QRICH2: variants seen among roughly 807,000 people sequenced by gnomAD.
The protein encoded by QRICH2 is glutamine rich 2, also known as glutamine-rich protein 2.
In QRICH2, 119 loss-of-function variants were observed where a neutral mutation model predicts 168.3. The ratio of observed to expected loss-of-function variants is 0.71; its 90% CI spans 0.61 to 0.82. The LOEUF is 0.82. QRICH2 is among the 40% of genes least tolerant of loss of function. The pLI, the probability that QRICH2 is intolerant of heterozygous loss-of-function variation, is 0.00. For synonymous variants in QRICH2, 894 were observed against 951.2 expected (o/e 0.94, Z 1.11); for missense variants, 2,241 against 2,491.6 (o/e 0.90, Z 2.14).
At chr17:76,299,471 T>G (rs544298323) in intron 3 of QRICH2, among the ~76,000 whole-genome samples, 1 of 152,124 alleles carries the variant, frequency 6.6e-6, no homozygotes, top group South Asian at 2.1e-4. Flanking sequence ...GCGCGGTGGC[T>G]CCAGCCTGTA....
Position 76,278,002 on chromosome 17 carries a change from G to T in QRICH2, c.5104C>A (p.Pro1702Thr). Residue 1702 changes from proline (P) to threonine (T), a missense_variant, in exon 15 of 19, where the codon CCC (proline) becomes ACC (threonine). By Grantham distance (38) the Pro-to-Thr change is conservative. Coordinates refer to ENST00000680821, the MANE Select transcript of QRICH2 (RefSeq NM_001388453.1). ...ELLHAQCLGS[P>T]CYKRVTDMAD... is the part of the protein sequence containing the mutation. ...CCTCTCCTGTACCGTTTGTAGCAGGGGGAGCCCAGGCACTGGGCGTGCAGC... is the reference window on the plus strand; with the variant it reads ...CCTCTCCTGTACCGTTTGTAGCAGGTGGAGCCCAGGCACTGGGCGTGCAGC... 1 of 1,612,164 alleles carries T rather than the reference G, an allele frequency of 6.2e-7. No homozygotes were observed. The highest frequency in any genetic ancestry group is 8.5e-7 in the Non-Finnish European group (1 of 1,180,028).
chr17:76,306,931 G>A (rs1000058997), intron 1 of QRICH2, among the ~76,000 whole-genome samples: 2 of 151,710 alleles, frequency 1.3e-5, no homozygotes, highest in Non-Finnish European at 2.9e-5. Context: ...GCCTGCTGTG[G>A]CTTGTGTCAT....
chr17:76,274,461 T>C (rs1339089541), intron 18 of QRICH2, among the ~76,000 whole-genome samples: 5 of 152,164 alleles, frequency 3.3e-5, no homozygotes, highest in Admixed American at 3.3e-4. Context: ...GCACCCTTCA[T>C]GATCTTGTGA....
rs147284874 is a variant in QRICH2, at chr17:76,292,515, G to A, written c.2212C>T (p.Arg738Cys). The A allele has an allele frequency of 6.8e-4, 1,071 of 1,570,030 alleles. 9 individuals are homozygous for A. The African/African-American group carries it at 0.013, about 20-fold the overall frequency. ...TCTGCACGAGGTTGTGCCAAACCAC[G>A]CTGATCTACTCCAGGTTGGACCAAA... ...HGLVQPGVDQRGLAQPRADHQ... is the reference protein window; with the variant it reads ...HGLVQPGVDQCGLAQPRADHQ... The change falls in exon 4 of 19, where the codon CGT becomes TGT. Residue 738 changes from arginine to cysteine, a missense_variant. Around this residue, in one of 3 missense-constraint regions of QRICH2, gnomAD observed 2,047 missense variants for 2,303.8 expected, o/e 0.89. Coordinates refer to ENST00000680821, the MANE Select transcript of QRICH2 (RefSeq NM_001388453.1).
chr17:76,284,919 TATA>T (rs1466589485), intron 7 of QRICH2, among the ~76,000 whole-genome samples: 5 of 150,776 alleles, frequency 3.3e-5, no homozygotes, highest in Non-Finnish European at 7.4e-5. Context: ...ACATCAAAAC[TATA>T]ATGAGATCCC....
intron 3 of QRICH2, among the ~76,000 whole-genome samples, chr17:76,295,022 G>C (rs1006176172): frequency 6.6e-6 from 1 of 151,186 alleles, no homozygotes; most frequent in Non-Finnish European, 1.5e-5. Flanking sequence ...ACAAGGTCAA[G>C]AGATTGAGAC....
intron 13 of QRICH2, 75 bp from the exon 14 acceptor site, chr17:76,279,217 A>G: frequency 1.4e-6 from 2 of 1,389,338 alleles, no homozygotes; most frequent in Non-Finnish European, 1.0e-6. Context: ...CTGCCTAAAG[A>G]ACCTTCCCAC....
Position 76,307,990 on chromosome 17 carries a change from G to A in QRICH2, c.9C>T (p.Pro3=), listed in dbSNP as rs572585158. The change falls in exon 1 of 19, where the codon CCC becomes CCT. Residue 3 remains proline, a synonymous_variant. Coordinates refer to ENST00000680821, the MANE Select transcript of QRICH2 (RefSeq NM_001388453.1). This position sits in a 1 kb window ranked among gnomAD's most constrained non-coding sequence, Gnocchi z 5.3. MP[P]ATTVSLRELA... ...GCTCCCGGAGGGAGACCGTGGTCGC[G>A]GGCGGCATCGTGGCTGTCAGGAGCT... 128 of 1,233,076 alleles carry A rather than the reference G, an allele frequency of 1.0e-4. No individual in the cohort carries two copies. In the African/African-American group the frequency reaches 1.8e-3, roughly 17 times the overall value. The allele number at this position is 1,233,076 out of a possible 1,614,324, so 76.4% of individuals were successfully genotyped here.
At position 76,293,543 on chromosome 17, in the gene QRICH2, G is replaced by C. The variant is rs1175530848; in HGVS notation, c.1184C>G (p.Thr395Ser). ...LRPDRRGLEP[T>S]GMNQPGLVPA... ...CACTAATCCAGGCTGATTCATGCCA[G>C]TTGGTTCTAACCCACGACGATCTGG... is the stretch of plus-strand genomic sequence containing the variant. The change falls in exon 4 of 19, where the codon ACT (threonine) becomes AGT (serine). Residue 395 changes from threonine (T) to serine (S), a missense_variant. Physicochemically the swap from Thr to Ser is moderately conservative, Grantham distance 58. This residue lies in a region of QRICH2 where 2,047 missense variants were observed against 2,303.8 expected (regional missense o/e 0.89). Transcript: ENST00000680821. 2 of 1,614,128 alleles carry C rather than the reference G, an allele frequency of 1.2e-6. No individual in the cohort carries two copies. The highest frequency in any genetic ancestry group is 1.3e-5 in the African/African-American group (1 of 74,944).
At chr17:76,298,274 C>A (rs1244923269) in intron 3 of QRICH2, among the ~76,000 whole-genome samples, 1 of 149,056 alleles carries the variant, frequency 6.7e-6, no homozygotes, top group East Asian at 2.0e-4. Context: ...AGCTCCACCT[C>A]CCGGCGCCAT....
In QRICH2 at chr17:76,280,890, G is replaced by A. The variant is rs2070776426; in HGVS notation, c.4327C>T (p.Leu1443Phe). ...ILQVQGDCEK[L>F]NITTSNLIED... is the part of the protein sequence containing the mutation. Reference sequence around the variant, plus strand: ...ATGAGGTTGCTGGTGGTGATGTTGAGCTTCTCGCAGTCACCCTGCACCTGC... The same window carrying A: ...ATGAGGTTGCTGGTGGTGATGTTGAACTTCTCGCAGTCACCCTGCACCTGC... The change falls in exon 9 of 19, where the codon CTC becomes TTC. Residue 1443 changes from leucine (L) to phenylalanine (F), a missense_variant. Leu to Phe is a conservative substitution (Grantham distance 22). This residue lies in a region of QRICH2 where 2,047 missense variants were observed against 2,303.8 expected (regional missense o/e 0.89). Transcript: ENST00000680821. The surrounding 1 kb of genome is among the most constrained non-coding windows in gnomAD (Gnocchi z 7.4). The A allele has an allele frequency of 6.2e-7, 1 of 1,613,250 alleles. No individual in the cohort carries two copies.
At position 76,287,198 on chromosome 17, in the gene QRICH2, C is replaced by A. The variant is rs1380954528; in HGVS notation, c.4005G>T (p.Gln1335His). 6.2e-7 allele frequency: 1 copy of A among 1,610,680 alleles called. No individual in the cohort carries two copies. The highest frequency in any genetic ancestry group is 1.3e-5 in the African/African-American group (1 of 74,866). The change falls in exon 7 of 19, where the codon CAG (glutamine) becomes CAT (histidine). Residue 1335 changes from glutamine (Q) to histidine (H), a missense_variant. By Grantham distance (24) the Gln-to-His change is conservative. Transcript: ENST00000680821. Reference sequence around the variant, plus strand: ...AAGAGTGGGGAATCCTCACCTGGTCCTGCAGGTAAAGGGAGGCTTCAGAGA... The same window carrying A: ...AAGAGTGGGGAATCCTCACCTGGTCATGCAGGTAAAGGGAGGCTTCAGAGA... ...NSVSEASLYL[Q>H]DQLDKLRMII...
chr17:76,276,385 G>A (rs1404028369), intron 17 of QRICH2, among the ~76,000 whole-genome samples: 3 of 152,218 alleles, frequency 2.0e-5, no homozygotes, highest in Admixed American at 2.0e-4. Context: ...AGGAGGCCCT[G>A]ATGATGCCAT....
rs1198158992 is a variant in QRICH2, at chr17:76,280,479, C to T, written c.4462-28G>A. ...GCCCAGAGACAGACAGAGGTCCCCGCATCTGGGAGATGGCCATGGAGGGGC... is the reference window on the plus strand; with the variant it reads ...GCCCAGAGACAGACAGAGGTCCCCGTATCTGGGAGATGGCCATGGAGGGGC... On this transcript the variant is annotated intron_variant, in intron 10 of 18. Transcript: ENST00000680821. The surrounding 1 kb of genome is among the most constrained non-coding windows in gnomAD (Gnocchi z 7.4). 6.2e-7 allele frequency: 1 copy of T among 1,610,078 alleles called. No homozygotes were observed. The highest frequency in any genetic ancestry group is 1.1e-5 in the South Asian group (1 of 90,362).
At position 76,307,703 on chromosome 17, in the gene QRICH2, A is replaced by G. The variant is rs1330693922; in HGVS notation, c.296T>C (p.Leu99Pro). ...GCCCAGGTCCTTCACTTGGCTCTCC[A>G]GCGCTGACGAAGGCGCCTGGCCCAC... Reference protein sequence around the residue: ...RGVGQAPSSALESQVKDLGGQ... With the variant: ...RGVGQAPSSAPESQVKDLGGQ... The change falls in exon 1 of 19, where the codon CTG becomes CCG. Residue 99 changes from leucine to proline, a missense_variant. Transcript: ENST00000680821. This position sits in a 1 kb window ranked among gnomAD's most constrained non-coding sequence, Gnocchi z 5.3. 1.4e-6 allele frequency: 2 copies of G among 1,433,122 alleles called. No homozygotes were observed. Among genetic ancestry groups the G allele is most frequent in the Non-Finnish European group, 1.8e-6 (2 of 1,095,424 alleles). The allele number at this position is 1,433,122 out of a possible 1,614,324, so 88.8% of individuals were successfully genotyped here. A position where few individuals can be genotyped will look rare whatever the true frequency, so the allele number is the denominator to read the frequency against.
Position 76,293,090 on chromosome 17 carries a change from T to A in QRICH2, c.1637A>T (p.Asp546Val). Residue 546 changes from aspartate to valine, a missense_variant, in exon 4 of 19, where the codon GAT becomes GTT. Around this residue, in one of 3 missense-constraint regions of QRICH2, gnomAD observed 2,047 missense variants for 2,303.8 expected, o/e 0.89. Coordinates refer to ENST00000680821, the MANE Select transcript of QRICH2 (RefSeq NM_001388453.1). ...VSPGLMPISA[D>V]QQGFVQPSLE... ...ACTGGGCTGCACAAAACCTTGCTGA[T>A]CTGCACTAATTGGCATCAAACCAGG... 6.2e-7 allele frequency: 1 copy of A among 1,614,220 alleles called. No homozygotes were observed. The highest frequency in any genetic ancestry group is 8.5e-7 in the Non-Finnish European group (1 of 1,180,022).
rs189300397 is a variant in QRICH2 at position 76,304,930 on chromosome 17, C to A, written c.546G>T (p.Gln182His). 1.2e-6 allele frequency: 2 copies of A among 1,613,358 alleles called. No individual in the cohort carries two copies. Among genetic ancestry groups the A allele is most frequent in the African/African-American group, 2.7e-5 (2 of 74,958 alleles). ...ATAGCTTCTCTAGTTCATCAACCCG[C>A]TGTAAAAGTACCTGGAAGAAGAGTT... is the stretch of plus-strand genomic sequence containing the variant. ...EELSFARVLL[Q>H]RVDELEKLFK... Residue 182 changes from glutamine to histidine, a missense_variant, in exon 2 of 19, where the codon CAG (glutamine) becomes CAT (histidine). Coordinates refer to ENST00000680821, the MANE Select transcript of QRICH2 (RefSeq NM_001388453.1).
Position 76,280,748 on chromosome 17 carries a change from A to G in QRICH2, c.4387-20T>C. ...CAGCATCTGGGGAGGCCAAGTGAAC[A>G]GAGAAAAAAAGAGCCAGCAGCTGCG... On this transcript the variant is annotated intron_variant, in intron 9 of 18. Coordinates refer to ENST00000680821, the MANE Select transcript of QRICH2 (RefSeq NM_001388453.1). This position sits in a 1 kb window ranked among gnomAD's most constrained non-coding sequence, Gnocchi z 7.4. 2 of 1,614,142 alleles carry G rather than the reference A, an allele frequency of 1.2e-6. No individual in the cohort carries two copies.
chr17:76,303,658 G>C (rs2070940799), intron 3 of QRICH2, among the ~76,000 whole-genome samples: 1 of 151,818 alleles, frequency 6.6e-6, no homozygotes, highest in Admixed American at 6.6e-5. Context: ...ATCACGAGGT[G>C]AGGAGATCGA....
Sources: gnomAD v4.1 joint callset for allele counts (sites outside exome capture counted in the v4.1 genomes callset) on GRCh38, gnomAD v4.1.1 for gene constraint, gnomAD v4.1.1 regional missense constraint, Gnocchi (gnomAD v3.1) non-coding constraint, MANE v1.5 for transcripts, NCBI Gene and HGNC (gene_info 2026-07-23, HGNC 2026-07-21) for gene names.